Variants in WNT7A observed in about 807,000 individuals in gnomAD.
WNT7A encodes protein Wnt-7a.
WNT7A carries 16 observed loss-of-function variants against 28.2 expected under a neutral mutation model. The observed-to-expected ratio is 0.57, with a 90% CI of 0.38 to 0.86. The LOEUF is 0.86. Ranked by LOEUF, WNT7A falls within the 40% of genes least tolerant of loss-of-function variation. The pLI is 0.00. For missense variants in WNT7A, 411 were observed against 489.7 expected, an observed-to-expected ratio of 0.84 and a Z score of 1.52; for synonymous variants, 190 against 195.9, an observed-to-expected ratio of 0.97 and a Z score of 0.25.
rs1157314201 is a variant in WNT7A, at chr3:13,854,543, C to A, written c.559G>T (p.Ala187Ser). Residue 187 changes from alanine (A) to serine (S), a missense_variant, in exon 3 of 4, where the codon GCA becomes TCA. Physicochemically the swap from Ala to Ser is moderately conservative, Grantham distance 99. Coordinates refer to ENST00000285018, the MANE Select transcript of WNT7A (RefSeq NM_004625.4). ...CCCTGGCTTCCTACCTTTCGGCCTG[C>A]CTCGTTGTTGTGCAAGTTCATGAGA... ...RTLMNLHNNE[A>S]GRKILEENMK... 1.2e-6 allele frequency: 2 copies of A among 1,614,024 alleles called. No homozygotes were observed. The highest frequency in any genetic ancestry group is 1.7e-6 in the Non-Finnish European group (2 of 1,180,052).
chr3:13,819,969 C>G lies in WNT7A; in HGVS notation c.571-546G>C, dbSNP rs1183799815. Reference sequence around the variant, plus strand: ...GAGAAGGCAACATTTTACCCAACACCCAGAGTACAGCATATTCAGGTTATT... The same window carrying G: ...GAGAAGGCAACATTTTACCCAACACGCAGAGTACAGCATATTCAGGTTATT... On this transcript the variant is annotated intron_variant, in intron 3 of 3. Transcript: ENST00000285018. Among the ~76,000 whole-genome samples the G allele has an allele frequency of 3.9e-5, 6 of 152,238 alleles. No homozygotes were observed. The East Asian group carries it at 7.7e-4, about 20-fold the overall frequency.
intron 2 of WNT7A, among the ~76,000 whole-genome samples, chr3:13,856,939 A>AAGAAGAAGAAGG (rs1694749054): frequency 9.0e-6 from 1 of 110,540 alleles, no homozygotes; most frequent in East Asian, 4.5e-4. Context: ...GAAGAAGAAG[A>AAGAAGAAGAAGG]AGAAGAAGAA....
At chr3:13,877,582 C>T (rs1395977207) in intron 1 of WNT7A, among the ~76,000 whole-genome samples, 1 of 152,220 alleles carries the variant, frequency 6.6e-6, no homozygotes, top group African/African-American at 2.4e-5. Flanking sequence ...AGGGTCTGGC[C>T]TAGGTTCTCA....
rs1199752919 is a variant in WNT7A, at chr3:13,816,806, C to G, written c.*2138G>C. ...CCATCTACCCATCCATCCATTTATC[C>G]ATTCACCCACCCACCTACTTATCCA... On this transcript the variant is annotated 3_prime_UTR_variant, in exon 4 of 4. Transcript: ENST00000285018. 6.6e-6 allele frequency: 1 copy of G among 152,190 alleles called. No individual in the cohort carries two copies. The highest frequency in any genetic ancestry group is 1.9e-4 in the East Asian group (1 of 5,184). 9.4% of individuals were successfully genotyped at this position (152,190 alleles called of 1,614,324 possible). A position where few individuals can be genotyped will look rare whatever the true frequency, so the allele number is the denominator to read the frequency against.
rs1318106936 is a variant in WNT7A, at chr3:13,875,086, C to G, written c.159G>C (p.Gln53His). 6.2e-7 allele frequency: 1 copy of G among 1,614,244 alleles called. No individual in the cohort carries two copies. Among genetic ancestry groups the G allele is most frequent in the Non-Finnish European group, 8.5e-7 (1 of 1,180,046 alleles). The change falls in exon 2 of 4, where the codon CAG becomes CAC. Residue 53 changes from glutamine (Q) to histidine (H), a missense_variant. Coordinates refer to ENST00000285018, the MANE Select transcript of WNT7A (RefSeq NM_004625.4). ...GLAPRQRAIC[Q>H]SRPDAIIVIG... ...TGACGATGATGGCGTCGGGCCGGCT[C>G]TGGCAGATCGCCCGCTGTCTGGGAG... is the stretch of plus-strand genomic sequence containing the variant.
intron 3 of WNT7A, among the ~76,000 whole-genome samples, chr3:13,826,601 G>T (rs778806127): frequency 1.3e-5 from 2 of 152,258 alleles, no homozygotes; most frequent in Middle Eastern, 3.4e-3. Context: ...GGGAGTAAAA[G>T]GGTCTTTTGG....
At chr3:13,824,977 T>C (rs1360329389) in intron 3 of WNT7A, among the ~76,000 whole-genome samples, 1 of 152,160 alleles carries the variant, frequency 6.6e-6, no homozygotes, top group East Asian at 1.9e-4. Context: ...TCTTACTCAC[T>C]AACCAAGGAC....
chr3:13,868,698 A>G (rs1430846215), intron 2 of WNT7A, among the ~76,000 whole-genome samples: 4 of 28,026 alleles, frequency 1.4e-4, no homozygotes, highest in African/African-American at 4.3e-4. Context: ...GAGAGAAAGA[A>G]AGAAAGAAAG....
At chr3:13,824,008 GC>G (rs1449683301) in intron 3 of WNT7A, among the ~76,000 whole-genome samples, 2 of 152,184 alleles carry the variant, frequency 1.3e-5, no homozygotes, top group African/African-American at 4.8e-5. Flanking sequence ...AGTGTAGCCA[GC>G]CCCAGGGTGC....
chr3:13,843,511 C>T (rs138501256), intron 3 of WNT7A, among the ~76,000 whole-genome samples: 58 of 152,202 alleles, frequency 3.8e-4, no homozygotes, highest in African/African-American at 1.4e-3. Context: ...CACCTCCCCG[C>T]ATGGTCTGGC....
Position 13,818,757 on chromosome 3 carries a change from G to T in WNT7A, c.*187C>A. The stretch of plus-strand genomic sequence containing the variant: ...GGAGGGTGGAGCAGCATTGGGTGTG[G>T]AACAGAATAGTTGAGGGCTCTGAGA... On this transcript the variant is annotated 3_prime_UTR_variant, in exon 4 of 4. Coordinates refer to ENST00000285018, the MANE Select transcript of WNT7A (RefSeq NM_004625.4). The T allele has an allele frequency of 1.1e-6, 1 of 906,732 alleles. No individual in the cohort carries two copies. The highest frequency in any genetic ancestry group is 1.6e-6 in the Non-Finnish European group (1 of 626,390). The allele number at this position is 906,732 out of a possible 1,614,324, so 56.2% of individuals were successfully genotyped here. A position where few individuals can be genotyped will look rare whatever the true frequency, so the allele number is the denominator to read the frequency against.
rs761456305 is a variant in WNT7A, at chr3:13,819,148, C to T, written c.846G>A (p.Pro282=). 1.9e-5 allele frequency: 31 copies of T among 1,614,074 alleles called. 1 individual carries two copies. In the Admixed American group the frequency reaches 4.0e-4, roughly 21 times the overall value. ...CCTGGGTGCCCACACTGCCGGTCAC[C>T]GGGTCCTCCTCGCAGTAGTTGGGCG... ...EKSPNYCEED[P]VTGSVGTQGR... is the part of the protein sequence containing the mutation. Residue 282 remains proline, a synonymous_variant, in exon 4 of 4, where the codon CCG becomes CCA. Coordinates refer to ENST00000285018, the MANE Select transcript of WNT7A (RefSeq NM_004625.4).
intron 3 of WNT7A, among the ~76,000 whole-genome samples, chr3:13,848,806 C>G (rs1694581904): frequency 6.6e-6 from 1 of 152,208 alleles, no homozygotes; most frequent in African/African-American, 2.4e-5. Flanking sequence ...ATGGACACAG[C>G]AGCTTTATTT....
At chr3:13,853,260 G>C (rs1370265365) in intron 3 of WNT7A, among the ~76,000 whole-genome samples, 1 of 152,180 alleles carries the variant, frequency 6.6e-6, no homozygotes, top group Admixed American at 6.5e-5. Context: ...AGAAAGCCAC[G>C]GAACAAGGCA....
intron 3 of WNT7A, among the ~76,000 whole-genome samples, chr3:13,835,954 A>G (rs972600982): frequency 6.6e-6 from 1 of 152,214 alleles, no homozygotes; most frequent in Admixed American, 6.5e-5. Context: ...TTCCAGGTGT[A>G]TGCAATGTCC....
chr3:13,864,164 G>A (rs531106724), intron 2 of WNT7A, among the ~76,000 whole-genome samples: 6 of 152,270 alleles, frequency 3.9e-5, no homozygotes, highest in African/African-American at 7.2e-5. Context: ...TTTCTTTGCC[G>A]ATGATAATGC....
At chr3:13,819,856 A>C (rs1301694451) in intron 3 of WNT7A, among the ~76,000 whole-genome samples, 1 of 152,170 alleles carries the variant, frequency 6.6e-6, no homozygotes, top group Non-Finnish European at 1.5e-5. Context: ...TTTTCATTTA[A>C]ACTTTATTCA....
chr3:13,868,690 G>GAAAGAA (rs1553576785), intron 2 of WNT7A, among the ~76,000 whole-genome samples: 4 of 19,770 alleles, frequency 2.0e-4, no homozygotes, highest in Admixed American at 6.3e-4. Context: ...GAGAGAGAGA[G>GAAAGAA]AGAAAGAAAG....
In WNT7A at chr3:13,817,796, G is replaced by A. The variant is rs1694032654; in HGVS notation, c.*1148C>T. On this transcript the variant is annotated 3_prime_UTR_variant, in exon 4 of 4. Coordinates refer to ENST00000285018, the MANE Select transcript of WNT7A (RefSeq NM_004625.4). ...AGGATGACGGTCAAGTCCCTGTGAG[G>A]GGCACGATGACCACCCACCACAGTG... 1 of 152,210 alleles carries A rather than the reference G, an allele frequency of 6.6e-6. No homozygotes were observed. Among genetic ancestry groups the A allele is most frequent in the African/African-American group, 2.4e-5 (1 of 41,420 alleles). The allele number at this position is 152,210 out of a possible 1,614,324, so 9.4% of individuals were successfully genotyped here. A position where few individuals can be genotyped will look rare whatever the true frequency, so the allele number is the denominator to read the frequency against.
Sources: gnomAD v4.1 joint callset for allele counts (sites outside exome capture counted in the v4.1 genomes callset) on GRCh38, gnomAD v4.1.1 for gene constraint, MANE v1.5 for transcripts, NCBI Gene and HGNC (gene_info 2026-07-23, HGNC 2026-07-21) for gene names.